The following INTS3 variants were observed in gnomAD, a reference collection of about 807,000 sequenced individuals.
INTS3 encodes the protein SOSS complex subunit A.
A neutral mutation model predicts 146.3 loss-of-function variants in INTS3; 34 were observed. The ratio of observed to expected loss-of-function variants is 0.23; its 90% confidence interval spans 0.18 to 0.31. The LOEUF (loss-of-function observed/expected upper bound fraction) is 0.31, where lower values mean the gene tolerates loss of function less well. Among genes scored for constraint, INTS3 ranks in the 10% least tolerant of loss-of-function variants. INTS3 has a pLI of 1.00. For missense variants in INTS3, 757 were observed against 1,304.2 expected (o/e 0.58, Z 6.46); for synonymous variants, 475 against 494.9 (o/e 0.96, Z 0.53).
intron 1 of INTS3, among the ~76,000 whole-genome samples, chr1:153,734,691 T>G (rs1253475239): frequency 6.6e-6 from 1 of 152,218 alleles, no homozygotes; most frequent in Non-Finnish European, 1.5e-5. Flanking sequence ...GCCCTTTGTG[T>G]AGCCAGCTTT....
chr1:153,761,500 C>T (rs1672380925), intron 13 of INTS3, 70 bp from the exon 14 acceptor site: 1 of 1,105,692 alleles, frequency 9.0e-7, no homozygotes, highest in East Asian at 2.4e-5. Flanking sequence ...ATGAGAGTGA[C>T]ACTCTGTCTC....
At chr1:153,760,272 T>A in intron 11 of INTS3, 39 bp from the exon 12 acceptor site, 1 of 899,972 alleles carries the variant, frequency 1.1e-6, no homozygotes, top group Non-Finnish European at 1.8e-6. Context: ...AGAGAGAGAC[T>A]GACTGATGTG....
chr1:153,767,634 T>G, intron 20 of INTS3, 40 bp from the exon 21 acceptor site: 1 of 1,524,458 alleles, frequency 6.6e-7, no homozygotes. Context: ...AGGTGGGCAC[T>G]GGGGTCAGGC....
At chr1:153,770,040 T>G (rs1672756931) in intron 23 of INTS3, among the ~76,000 whole-genome samples, 158 bp from the exon 24 acceptor site, 1 of 115,192 alleles carries the variant, frequency 8.7e-6, no homozygotes. Context: ...CTTGGGGTGC[T>G]GGTAGTCAGT....
chr1:153,749,300 T>G (rs1671870010), intron 6 of INTS3, among the ~76,000 whole-genome samples: 1 of 152,154 alleles, frequency 6.6e-6, no homozygotes, highest in Admixed American at 6.5e-5. Flanking sequence ...ATTCTTTCCC[T>G]TATCCATCAA....
chr1:153,729,583 C>T (rs1557983489), intron 1 of INTS3, among the ~76,000 whole-genome samples: 1 of 152,122 alleles, frequency 6.6e-6, no homozygotes, highest in Non-Finnish European at 1.5e-5. Context: ...AATATGAGAT[C>T]TAGGCTGGGT....
Position 153,765,001 on chromosome 1 carries a change from C to G in INTS3, c.2028C>G (p.Leu676=), listed in dbSNP as rs1281672558. The change falls in exon 20 of 30, where the codon CTC becomes CTG. Residue 676 remains leucine (L), a synonymous_variant. Transcript: ENST00000318967. The part of the protein sequence containing the change: ...NSSFSLLLDL[L]SELYQKQPKI... ...GCTTCTCTCTACTTCTAGACCTTCTCTCCGAGCTATATCAGAAGCAGCCCA... is the reference window on the plus strand; with the variant it reads ...GCTTCTCTCTACTTCTAGACCTTCTGTCCGAGCTATATCAGAAGCAGCCCA... The G allele has an allele frequency of 6.2e-7, 1 of 1,613,970 alleles. No homozygotes were observed.
At chr1:153,762,899 C>G (rs745563184) in intron 15 of INTS3, 52 bp downstream of exon 15, 1 of 1,604,600 alleles carries the variant, frequency 6.2e-7, no homozygotes, top group Admixed American at 1.7e-5. Context: ...CTGAGAGGAC[C>G]AGTTCCCAGA....
At chr1:153,769,947 T>G in intron 23 of INTS3, 103 bp downstream of exon 23, 1 of 878,528 alleles carries the variant, frequency 1.1e-6, no homozygotes, top group Non-Finnish European at 1.9e-6. Context: ...GGCTGGGAAG[T>G]TAAGGGGAGA....
chr1:153,731,864 C>T (rs1255845861), intron 1 of INTS3, among the ~76,000 whole-genome samples: 6 of 143,162 alleles, frequency 4.2e-5, no homozygotes, highest in African/African-American at 1.6e-4. Context: ...GGATTACAGA[C>T]TTGAGCCACC....
intron 2 of INTS3, 61 bp downstream of exon 2, chr1:153,740,795 A>G: frequency 7.7e-7 from 1 of 1,303,524 alleles, no homozygotes. Flanking sequence ...AAACATGGTC[A>G]AAAAGATGGA....
intron 1 of INTS3, among the ~76,000 whole-genome samples, chr1:153,736,882 G>A (rs560028140): frequency 8.0e-5 from 12 of 149,304 alleles, no homozygotes; most frequent in African/African-American, 3.0e-4. Context: ...TCCTGCCTCA[G>A]CTTCCTGAGT....
Position 153,728,545 on chromosome 1 carries a change from C to G in INTS3, c.-90C>G, listed in dbSNP as rs1033762872. On this transcript the variant is annotated 5_prime_UTR_variant, in exon 1 of 30. Transcript: ENST00000318967. ...TCCCCTCCCCAACTTGTTCCTCTTG[C>G]CCCCCAGTCCCTGGCAATCCAGAGA... 2.3e-5 allele frequency: 33 copies of G among 1,455,472 alleles called. No homozygotes were observed. Among genetic ancestry groups the G allele is most frequent in the Non-Finnish European group, 3.0e-5 (33 of 1,092,464 alleles). 90.2% of individuals were successfully genotyped at this position (1,455,472 alleles called of 1,614,324 possible). A position where few individuals can be genotyped will look rare whatever the true frequency, so the allele number is the denominator to read the frequency against.
chr1:153,764,869 G>A, intron 19 of INTS3, 75 bp from the exon 20 acceptor site: 1 of 1,596,608 alleles, frequency 6.3e-7, no homozygotes, highest in East Asian at 2.2e-5. Flanking sequence ...GACAGCCCAT[G>A]CCACCTGAGA....
intron 20 of INTS3, chr1:153,766,784 G>C (rs1324710805): frequency 6.6e-6 from 1 of 150,846 alleles, no homozygotes; most frequent in Non-Finnish European, 1.5e-5. Context: ...CCGCATGCTA[G>C]GTTCCAGCAA....
intron 7 of INTS3, 113 bp from the exon 8 acceptor site, chr1:153,752,166 A>G (rs543080815): frequency 7.7e-6 from 8 of 1,042,252 alleles, no homozygotes; most frequent in East Asian, 4.9e-5. Flanking sequence ...AGTTTCTTCA[A>G]CCCTCTTTCC....
Position 153,740,731 on chromosome 1 carries a change from G to A in INTS3, c.231G>A (p.Ala77=), listed in dbSNP as rs751819189. The A allele has an allele frequency of 1.8e-5, 29 of 1,608,942 alleles. No homozygotes were observed. The highest frequency in any genetic ancestry group is 1.7e-4 in the Middle Eastern group (1 of 5,976). The stretch of plus-strand genomic sequence containing the variant: ...GAGAAGCCAATGATGCCCTCAATGC[G>A]TATGTAAGTAGAATGCTGTCCCTGC... ...SEREANDALN[A]YVCKGLPQHE... is the part of the protein sequence containing the mutation. The change falls in exon 2 of 30, where the codon GCG becomes GCA. Residue 77 remains alanine (A), a synonymous_variant. Coordinates refer to ENST00000318967, the MANE Select transcript of INTS3 (RefSeq NM_023015.5).
rs1233000548 is a variant in INTS3 at position 153,762,673 on chromosome 1, G to T, written c.1517-55G>T. 107 of 1,603,694 alleles carry T rather than the reference G, an allele frequency of 6.7e-5. 1 individual carries two copies. The highest frequency in any genetic ancestry group is 1.1e-5 in the Non-Finnish European group (13 of 1,173,272). On this transcript the variant is annotated intron_variant, in intron 14 of 29. Transcript: ENST00000318967. ...CATTCTCCCTTCCTAGAAGCATGGG[G>T]CATGTTAGAGGACCCAGGAGGCCAT...
rs1234103550 is a variant in INTS3, at chr1:153,769,897, A to G, written c.2389+53A>G. 6.3e-6 allele frequency: 8 copies of G among 1,263,770 alleles called. 1 individual carries two copies. The Admixed American group carries it at 1.3e-4, about 21-fold the overall frequency. 78.3% of individuals were successfully genotyped at this position (1,263,770 alleles called of 1,614,324 possible). A position where few individuals can be genotyped will look rare whatever the true frequency, so the allele number is the denominator to read the frequency against. ...GGAGAGGAGAGGAGGGCAGGGTGTCAGTCCTGTGTATTTTACACTATCAGG... is the reference window on the plus strand; with the variant it reads ...GGAGAGGAGAGGAGGGCAGGGTGTCGGTCCTGTGTATTTTACACTATCAGG... On this transcript the variant is annotated intron_variant, in intron 23 of 29. Transcript: ENST00000318967.
Sources: allele counts gnomAD v4.1 joint callset (sites outside exome capture counted in the v4.1 genomes callset), GRCh38; gene constraint gnomAD v4.1.1; transcripts MANE v1.5; gene names NCBI Gene and HGNC (gene_info 2026-07-23, HGNC 2026-07-21).